DGKI: variants seen among roughly 807,000 people sequenced by gnomAD.
The protein encoded by DGKI is DAG kinase iota.
Under a neutral mutation model 147.5 loss-of-function variants are expected in DGKI, and 55 were observed. The observed-to-expected ratio is 0.37, with a 90% CI of 0.30 to 0.47. The LOEUF (loss-of-function observed/expected upper bound fraction) is 0.47, where lower values mean the gene tolerates loss of function less well. Ranked by LOEUF, DGKI falls within the 20% of genes least tolerant of loss-of-function variation. The pLI, the probability that DGKI is intolerant of heterozygous loss-of-function variation, is 1.00. For synonymous variants in DGKI, 469 were observed against 477.1 expected (o/e 0.98, Z 0.22); for missense variants, 1,007 against 1,323.8 (o/e 0.76, Z 3.71).
intron 5 of DGKI, among the ~76,000 whole-genome samples, 156 bp downstream of exon 5, chr7:137,654,576 A>T (rs1822151980): frequency 6.6e-6 from 1 of 152,206 alleles, no homozygotes; most frequent in Non-Finnish European, 1.5e-5. Flanking sequence ...AGACTTGAAG[A>T]TTTTATTGAT....
intron 5 of DGKI, among the ~76,000 whole-genome samples, chr7:137,650,876 G>A (rs767409916): frequency 2.6e-5 from 4 of 152,324 alleles, no homozygotes; most frequent in Non-Finnish European, 5.9e-5. Context: ...AAACAGTCAC[G>A]CAAAGAGATT....
chr7:137,430,630 CA>C (rs1189204207), intron 28 of DGKI, among the ~76,000 whole-genome samples: 1 of 151,280 alleles, frequency 6.6e-6, no homozygotes, highest in African/African-American at 2.4e-5. Flanking sequence ...CTTATACATC[CA>C]AATGTAGTCC....
intron 14 of DGKI, among the ~76,000 whole-genome samples, chr7:137,582,414 TTCTC>T (rs147596311): frequency 6.0e-5 from 9 of 149,096 alleles, no homozygotes; most frequent in Admixed American, 4.0e-4. Flanking sequence ...ATCACCCATT[TTCTC>T]TCTCTCTCTC....
chr7:137,824,675 T>C (rs980565104), intron 1 of DGKI, among the ~76,000 whole-genome samples: 1 of 152,118 alleles, frequency 6.6e-6, no homozygotes, highest in Non-Finnish European at 1.5e-5. Flanking sequence ...TTAAGCCTAG[T>C]GCCCACTATT....
chr7:137,576,611 C>G (rs1276822386), intron 17 of DGKI, among the ~76,000 whole-genome samples: 10 of 152,044 alleles, frequency 6.6e-5, no homozygotes, highest in Non-Finnish European at 1.5e-4. Flanking sequence ...TCTCCCTTGC[C>G]CCCAAGCAGT....
intron 19 of DGKI, among the ~76,000 whole-genome samples, chr7:137,554,113 C>A (rs1015680302): frequency 1.3e-5 from 2 of 152,206 alleles, no homozygotes; most frequent in Non-Finnish European, 2.9e-5. Flanking sequence ...CGGCATTTCA[C>A]AATCAATCCA....
At chr7:137,526,788 TCGTATTCCTCCCTAGTGCCCTCAAA>T (rs1173602132) in intron 20 of DGKI, among the ~76,000 whole-genome samples, 1 of 152,048 alleles carries the variant, frequency 6.6e-6, no homozygotes, top group Non-Finnish European at 1.5e-5. Context: ...TCCATCAGAG[TCGTATTCCTCCCTAGTGCCCTCAAA>T]CGTCTTCCTC....
intron 3 of DGKI, among the ~76,000 whole-genome samples, chr7:137,659,908 G>C (rs1022051482): frequency 5.3e-5 from 8 of 152,212 alleles, no homozygotes; most frequent in South Asian, 2.1e-4. Context: ...ACTCCAGCCT[G>C]GGCGACAGAG....
chr7:137,399,075 C>T (rs951027214), intron 30 of DGKI, among the ~76,000 whole-genome samples: 1 of 151,356 alleles, frequency 6.6e-6, no homozygotes, highest in Non-Finnish European at 1.5e-5. Flanking sequence ...TTTCCCAGCT[C>T]TCCCTATCCA....
At chr7:137,483,390 T>C (rs1458423707) in intron 23 of DGKI, among the ~76,000 whole-genome samples, 2 of 152,132 alleles carry the variant, frequency 1.3e-5, no homozygotes, top group East Asian at 3.8e-4. Flanking sequence ...TAACTACTAC[T>C]GCCAATTGTT....
At chr7:137,522,869 A>G (rs980353439) in intron 20 of DGKI, among the ~76,000 whole-genome samples, 1 of 152,118 alleles carries the variant, frequency 6.6e-6, no homozygotes. Context: ...TTGTCTTTCA[A>G]TACGACCTTA....
chr7:137,457,454 T>C (rs2128923154), intron 27 of DGKI, among the ~76,000 whole-genome samples: 1 of 152,312 alleles, frequency 6.6e-6, no homozygotes, highest in Admixed American at 6.5e-5. Flanking sequence ...AACCTAATGT[T>C]CCCAGAAGAA....
intron 8 of DGKI, among the ~76,000 whole-genome samples, chr7:137,610,132 T>C (rs1287208346): frequency 6.6e-6 from 1 of 152,086 alleles, no homozygotes; most frequent in African/African-American, 2.4e-5. Context: ...TTGACCCTAC[T>C]CGAAATTTAT....
In DGKI at chr7:137,605,505, A is replaced by G. The variant is rs564704300; in HGVS notation, c.1167+3461T>C. 4.7e-4 allele frequency among the ~76,000 whole-genome samples: 71 copies of G among 152,216 alleles called. 1 individual carries two copies. Among genetic ancestry groups the G allele is most frequent in the African/African-American group, 1.5e-3 (64 of 41,556 alleles). On this transcript the variant is annotated intron_variant, in intron 10 of 32. Transcript: ENST00000614521. ...GTCATCGCTACCTTAAGAGTGTTGGAAAAACAAAGAGACAATTACTGCTAA... is the reference window on the plus strand; with the variant it reads ...GTCATCGCTACCTTAAGAGTGTTGGGAAAACAAAGAGACAATTACTGCTAA...
rs554239571 is a variant in DGKI at position 137,708,246 on chromosome 7, T to C, written c.402-18244A>G. ...GAGACAACCATAACTTGGATTAATA[T>C]TCTCTTTGAGCCTCTCGCCCTACTC... On this transcript the variant is annotated intron_variant, in intron 1 of 32. Coordinates refer to ENST00000614521, the MANE Select transcript of DGKI (RefSeq NM_001321708.2). Among the ~76,000 whole-genome samples the C allele has an allele frequency of 2.0e-5, 3 of 152,358 alleles. No individual in the cohort carries two copies. The South Asian group carries it at 6.2e-4, about 32-fold the overall frequency.
In DGKI at chr7:137,585,348, T is replaced by C; in HGVS notation, c.1426-2A>G. The C allele has an allele frequency of 6.2e-7, 1 of 1,612,684 alleles. No individual in the cohort carries two copies. ...AGAAACAGGTTCATCAGTGTAGCCC[T>C]GAGGAATCAGAGAACATATCCATTG... On this transcript the variant is annotated splice_acceptor_variant, in intron 13 of 32. Transcript: ENST00000614521. LOFTEE classifies it high-confidence loss of function.
intron 21 of DGKI, among the ~76,000 whole-genome samples, chr7:137,497,464 C>T (rs548916609): frequency 2.0e-5 from 3 of 152,222 alleles, no homozygotes; most frequent in African/African-American, 7.2e-5. Flanking sequence ...GAACATAAAT[C>T]ACTCTAACAT....
At chr7:137,771,357 C>A (rs1796191565) in intron 1 of DGKI, among the ~76,000 whole-genome samples, 1 of 152,180 alleles carries the variant, frequency 6.6e-6, no homozygotes, top group Non-Finnish European at 1.5e-5. Flanking sequence ...TCCCAAAGTG[C>A]TGGGACTACA....
rs62490515 is a variant in DGKI at position 137,794,205 on chromosome 7, G to C, written c.401+52257C>G. ...CCATGTTCTTTCATCTGCATGACACGCATTCACTTTCTCCCCATCCTTTCC... is the reference window on the plus strand; with the variant it reads ...CCATGTTCTTTCATCTGCATGACACCCATTCACTTTCTCCCCATCCTTTCC... On this transcript the variant is annotated intron_variant, in intron 1 of 32. Coordinates refer to ENST00000614521, the MANE Select transcript of DGKI (RefSeq NM_001321708.2). Among the ~76,000 whole-genome samples, 1,387 of 152,206 alleles carry C rather than the reference G, an allele frequency of 9.1e-3. 10 individuals are homozygous for C. The highest frequency in any genetic ancestry group is 0.014 in the Non-Finnish European group (980 of 68,012).
Sources: gnomAD v4.1 joint callset for allele counts (sites outside exome capture counted in the v4.1 genomes callset) on GRCh38, gnomAD v4.1.1 for gene constraint, MANE v1.5 for transcripts, NCBI Gene and HGNC (gene_info 2026-07-23, HGNC 2026-07-21) for gene names.